Variants in CNTNAP4 observed in about 807,000 individuals in gnomAD.
CNTNAP4 encodes the protein contactin-associated protein-like 4.
CNTNAP4 carries 98 observed loss-of-function variants against 148.4 expected under a neutral mutation model. That is an observed-to-expected ratio of 0.66 (90% CI 0.56 to 0.78). The LOEUF (loss-of-function observed/expected upper bound fraction) is 0.78, where lower values mean the gene tolerates loss of function less well. Among genes scored for constraint, CNTNAP4 ranks in the 30% least tolerant of loss-of-function variants. The probability of loss-of-function intolerance (pLI) is 0.00; values close to 1 mark genes in which losing one functional copy is unlikely to be tolerated. For missense variants in CNTNAP4, 1,935 were observed against 1,565.6 expected, an observed-to-expected ratio of 1.24 and a Z score of -3.98; for synonymous variants, 730 against 565.1, an observed-to-expected ratio of 1.29 and a Z score of -4.14.
intron 3 of CNTNAP4, among the ~76,000 whole-genome samples, chr16:76,403,431 A>T (rs1162941237): frequency 6.6e-6 from 1 of 152,214 alleles, no homozygotes; most frequent in Non-Finnish European, 1.5e-5. Flanking sequence ...TATGGCTAAC[A>T]AGCATATGAA....
At chr16:76,298,481 CATGTATGTGTGTGTGTGT>C (rs1409106186) in intron 1 of CNTNAP4, among the ~76,000 whole-genome samples, 3 of 134,832 alleles carry the variant, frequency 2.2e-5, no homozygotes, top group African/African-American at 8.4e-5. Flanking sequence ...CATGTGTGTA[CATGTATGTGTGTGTGTGT>C]GTGTGTGTGT....
chr16:76,291,372 A>G (rs530501457), intron 1 of CNTNAP4, among the ~76,000 whole-genome samples: 1 of 152,150 alleles, frequency 6.6e-6, no homozygotes, highest in Non-Finnish European at 1.5e-5. Flanking sequence ...CCTGGTGGAC[A>G]TGGGGGTACC....
At position 76,462,026 on chromosome 16, in the gene CNTNAP4, G is replaced by A. The variant is rs1220272321; in HGVS notation, c.1404G>A (p.Ala468=). 2.7e-5 allele frequency: 44 copies of A among 1,613,628 alleles called. No homozygotes were observed. The Admixed American group carries it at 2.8e-4, about 10-fold the overall frequency. ...LSAKKNHLSV[A]VDGQMASAAP... ...CTAAAAAGAATCACTTGAGTGTGGC[G>A]GTGGACGGCCAGATGGCTTCTGCTG... is the stretch of plus-strand genomic sequence containing the variant. The change falls in exon 9 of 24, where the codon GCG becomes GCA. Residue 468 remains alanine, a synonymous_variant. Transcript: ENST00000611870.
chr16:76,285,294 A>G (rs1958835331), intron 1 of CNTNAP4, among the ~76,000 whole-genome samples: 1 of 152,062 alleles, frequency 6.6e-6, no homozygotes, highest in South Asian at 2.1e-4. Flanking sequence ...AGTCATTCCA[A>G]TGTAATAATT....
At chr16:76,386,039 C>A (rs974187749) in intron 3 of CNTNAP4, among the ~76,000 whole-genome samples, 1 of 152,156 alleles carries the variant, frequency 6.6e-6, no homozygotes, top group Non-Finnish European at 1.5e-5. Flanking sequence ...CAGAGTGCCA[C>A]CTTGTTTGAA....
intron 1 of CNTNAP4, among the ~76,000 whole-genome samples, chr16:76,285,607 T>G (rs1001152067): frequency 6.6e-6 from 1 of 152,110 alleles, no homozygotes; most frequent in Admixed American, 6.6e-5. Context: ...ATTATGATAC[T>G]TATAAATGGG....
At chr16:76,399,282 C>T (rs1188914097) in intron 3 of CNTNAP4, among the ~76,000 whole-genome samples, 1 of 152,052 alleles carries the variant, frequency 6.6e-6, no homozygotes, top group Admixed American at 6.6e-5. Flanking sequence ...TCAGTTCTCT[C>T]ATCAGTAAAA....
At chr16:76,372,349 T>C (rs759127861) in intron 3 of CNTNAP4, among the ~76,000 whole-genome samples, 5 of 150,744 alleles carry the variant, frequency 3.3e-5, no homozygotes, top group Non-Finnish European at 5.9e-5. Context: ...AGAGTTTCAC[T>C]GTGTTAGCCA....
At chr16:76,389,873 G>A (rs892019531) in intron 3 of CNTNAP4, among the ~76,000 whole-genome samples, 1 of 152,056 alleles carries the variant, frequency 6.6e-6, no homozygotes, top group African/African-American at 2.4e-5. Context: ...GTTTTAGTTT[G>A]GGTTCCTCTA....
At chr16:76,455,327 A>G (rs1034098188) in intron 8 of CNTNAP4, among the ~76,000 whole-genome samples, 1 of 152,186 alleles carries the variant, frequency 6.6e-6, no homozygotes, top group Non-Finnish European at 1.5e-5. Flanking sequence ...GCTTATAACC[A>G]TGCCTCTTGT....
At chr16:76,337,700 G>T (rs760898699) in intron 2 of CNTNAP4, among the ~76,000 whole-genome samples, 8 of 152,142 alleles carry the variant, frequency 5.3e-5, no homozygotes, top group Admixed American at 2.6e-4. Context: ...TGAGGGTACT[G>T]CAGGAGACCA....
At chr16:76,387,972 T>G (rs184180761) in intron 3 of CNTNAP4, among the ~76,000 whole-genome samples, 1 of 152,208 alleles carries the variant, frequency 6.6e-6, no homozygotes, top group Non-Finnish European at 1.5e-5. Context: ...AAAGTATTAA[T>G]GTCTGCTGAA....
chr16:76,551,857 T>C (rs546759061), intron 21 of CNTNAP4, among the ~76,000 whole-genome samples: 1 of 152,322 alleles, frequency 6.6e-6, no homozygotes, highest in African/African-American at 2.4e-5. Context: ...TACACTCCCA[T>C]ATTATTATAT....
chr16:76,348,888 G>GT (rs1169774552), intron 2 of CNTNAP4, among the ~76,000 whole-genome samples: 2 of 151,226 alleles, frequency 1.3e-5, no homozygotes, highest in Admixed American at 6.6e-5. Flanking sequence ...GTCAAGAGAA[G>GT]TTTTTTTTCT....
At chr16:76,546,554 A>G (rs1018603076) in intron 21 of CNTNAP4, among the ~76,000 whole-genome samples, 1 of 152,202 alleles carries the variant, frequency 6.6e-6, no homozygotes, top group African/African-American at 2.4e-5. Flanking sequence ...GTCTAGTTAC[A>G]GGAAGAGAAG....
chr16:76,515,206 A>G (rs1042337137), intron 15 of CNTNAP4, among the ~76,000 whole-genome samples: 5 of 152,318 alleles, frequency 3.3e-5, no homozygotes, highest in African/African-American at 9.6e-5. Context: ...AAGGACTAGT[A>G]TATAGAATAT....
chr16:76,417,458 C>A (rs1323318127), intron 3 of CNTNAP4, among the ~76,000 whole-genome samples: 2 of 151,354 alleles, frequency 1.3e-5, no homozygotes, highest in African/African-American at 4.8e-5. Flanking sequence ...TAGTGCAGGT[C>A]CCTTAAAACA....
intron 7 of CNTNAP4, 25 bp from the exon 8 acceptor site, chr16:76,452,483 G>C: frequency 1.2e-6 from 2 of 1,611,828 alleles, no homozygotes; most frequent in Non-Finnish European, 1.7e-6. Context: ...CATTCTGAAA[G>C]CTTTTTCTTT....
chr16:76,467,619 C>G, intron 10 of CNTNAP4, 96 bp downstream of exon 10: 5 of 1,004,088 alleles, frequency 5.0e-6, no homozygotes, highest in Non-Finnish European at 7.2e-6. Flanking sequence ...TCCTCTTCCC[C>G]ATTCTTATCT....
Sources: gnomAD v4.1 joint callset for allele counts (sites outside exome capture counted in the v4.1 genomes callset) on GRCh38, gnomAD v4.1.1 for gene constraint, MANE v1.5 for transcripts, NCBI Gene and HGNC (gene_info 2026-07-23, HGNC 2026-07-21) for gene names.